RANBP2: variants seen among roughly 807,000 people sequenced by gnomAD.
The protein encoded by RANBP2 is E3 SUMO-protein ligase RanBP2.
A neutral mutation model predicts 303.6 loss-of-function variants in RANBP2; 57 were observed. The ratio of observed to expected loss-of-function variants is 0.19; its 90% CI spans 0.15 to 0.23. RANBP2 has a LOEUF of 0.23. Among genes scored for constraint, RANBP2 ranks in the 10% least tolerant of loss-of-function variants. The pLI is 1.00. For missense variants in RANBP2, 3,138 were observed against 3,780.8 expected (o/e 0.83, Z 4.46); for synonymous variants, 1,167 against 1,301.5 (o/e 0.90, Z 2.23).
chr2:109,605,886 A>G, the RANBP2 span, among the ~76,000 whole-genome samples: 5 of 152,244 alleles, frequency 3.3e-5, no homozygotes, highest in African/African-American at 1.2e-4. Context: ...AAGAGTTAGC[A>G]TGACATCAGT....
the RANBP2 span, among the ~76,000 whole-genome samples, chr2:109,355,299 C>T: frequency 6.6e-6 from 1 of 152,122 alleles, no homozygotes; most frequent in Admixed American, 6.5e-5. Context: ...GGCATATTGG[C>T]CCAGGAACTT....
the RANBP2 span, chr2:109,141,555 T>G: frequency 6.5e-6 from 1 of 154,864 alleles, no homozygotes; most frequent in Admixed American, 6.5e-5. Flanking sequence ...GACCAATTCT[T>G]TACAGGTGTA....
At chr2:109,421,577 CTCT>C in the RANBP2 span, among the ~76,000 whole-genome samples, 3 of 152,214 alleles carry the variant, frequency 2.0e-5, no homozygotes, top group African/African-American at 7.2e-5. Flanking sequence ...GTGGAGGGAC[CTCT>C]TCTTCACCCA....
chr2:109,623,559 G>C, the RANBP2 span, among the ~76,000 whole-genome samples: 7 of 152,212 alleles, frequency 4.6e-5, no homozygotes, highest in Non-Finnish European at 7.4e-5. Context: ...GAGTGACCCC[G>C]ATGGATGGCT....
chr2:108,997,156 G>A, the RANBP2 span, among the ~76,000 whole-genome samples: 1 of 152,114 alleles, frequency 6.6e-6, no homozygotes, highest in African/African-American at 2.4e-5. Flanking sequence ...AGATGTCCTA[G>A]TATGGCTGGG....
At chr2:109,688,533 T>C in the RANBP2 span, among the ~76,000 whole-genome samples, 1 of 152,048 alleles carries the variant, frequency 6.6e-6, no homozygotes, top group Non-Finnish European at 1.5e-5. Flanking sequence ...TCCCAGCACT[T>C]TGGGAGGCCG....
At chr2:109,422,428 T>C in the RANBP2 span, among the ~76,000 whole-genome samples, 1 of 152,228 alleles carries the variant, frequency 6.6e-6, no homozygotes, top group East Asian at 1.9e-4. Context: ...AGTGTGTCGA[T>C]GGCTGGATGT....
the RANBP2 span, among the ~76,000 whole-genome samples, chr2:109,152,894 C>G: frequency 6.6e-6 from 1 of 152,228 alleles, no homozygotes; most frequent in Admixed American, 6.5e-5. Context: ...TCCTTGTTCT[C>G]GATGGAGGCA....
chr2:109,001,430 G>GT, the RANBP2 span, among the ~76,000 whole-genome samples: 1 of 152,230 alleles, frequency 6.6e-6, no homozygotes, highest in African/African-American at 2.4e-5. Flanking sequence ...GTGGCAGGCA[G>GT]TAACTGCAGG....
chr2:108,751,158 A>G lies in RANBP2; in HGVS notation c.1274-106A>G. ...CCCTTCAGCTTTGATATAGAAAAGC[A>G]GTTATATAATTAAGATATATATAAT... On this transcript the variant is annotated intron_variant, in intron 9 of 28. Transcript: ENST00000283195. 3 of 1,522,782 alleles carry G rather than the reference A, an allele frequency of 2.0e-6. No homozygotes were observed. The Admixed American group carries it at 5.9e-5, about 30-fold the overall frequency. The allele number at this position is 1,522,782 out of a possible 1,614,324, so 94.3% of individuals were successfully genotyped here.
intron 23 of RANBP2, among the ~76,000 whole-genome samples, chr2:108,773,574 A>T (rs1677659297): frequency 6.6e-6 from 1 of 152,212 alleles, no homozygotes; most frequent in Non-Finnish European, 1.5e-5. Flanking sequence ...GAAAACTCAA[A>T]ATAACTAGAA....
At chr2:109,088,685 T>C in the RANBP2 span, among the ~76,000 whole-genome samples, 1 of 152,016 alleles carries the variant, frequency 6.6e-6, no homozygotes, top group Non-Finnish European at 1.5e-5. Flanking sequence ...CTAATTTTTG[T>C]ATTTTTAGAA....
the RANBP2 span, among the ~76,000 whole-genome samples, chr2:109,633,536 C>T: frequency 9.2e-5 from 14 of 152,152 alleles, no homozygotes; most frequent in African/African-American, 3.4e-4. Flanking sequence ...ACCCTCAAGC[C>T]TGAGGTATCA....
chr2:108,843,401 A>T, the RANBP2 span, among the ~76,000 whole-genome samples: 1 of 152,168 alleles, frequency 6.6e-6, no homozygotes, highest in Middle Eastern at 3.4e-3. Context: ...CAAGTGATCC[A>T]CCTGCCGTGG....
At chr2:109,144,574 G>A in the RANBP2 span, among the ~76,000 whole-genome samples, 3 of 152,356 alleles carry the variant, frequency 2.0e-5, no homozygotes, top group East Asian at 1.9e-4. Flanking sequence ...TGCAAGCAGC[G>A]TTGGGAAAAT....
At chr2:108,820,793 G>A in the RANBP2 span, among the ~76,000 whole-genome samples, 1 of 151,586 alleles carries the variant, frequency 6.6e-6, no homozygotes, top group Non-Finnish European at 1.5e-5. Context: ...AACAGTAGTT[G>A]AGGGAGTTCA....
the RANBP2 span, among the ~76,000 whole-genome samples, chr2:109,240,028 A>G: frequency 2.0e-5 from 3 of 152,266 alleles, no homozygotes; most frequent in African/African-American, 7.2e-5. Flanking sequence ...ACTTGTCTGT[A>G]GTGGTGGCCG....
chr2:109,079,313 T>A, the RANBP2 span, among the ~76,000 whole-genome samples: 116,578 of 152,102 alleles, frequency 0.77, 47,069 homozygotes, highest in Non-Finnish European at 0.91. Flanking sequence ...AATGCAGTAC[T>A]CAATACACGT....
At chr2:109,214,498 C>T in the RANBP2 span, among the ~76,000 whole-genome samples, 1 of 151,544 alleles carries the variant, frequency 6.6e-6, no homozygotes, top group South Asian at 2.1e-4. Context: ...GAGTGGAGCC[C>T]AAGCCAGCCA....
Sources: allele counts gnomAD v4.1 joint callset (sites outside exome capture counted in the v4.1 genomes callset), GRCh38; gene constraint gnomAD v4.1.1; transcripts MANE v1.5; gene names NCBI Gene and HGNC (gene_info 2026-07-23, HGNC 2026-07-21).